Variants in RGS3 observed in about 807,000 individuals in gnomAD.
RGS3 encodes the protein regulator of G protein signaling 3.
Under a neutral mutation model 132.6 loss-of-function variants are expected in RGS3, and 80 were observed. The ratio of observed to expected loss-of-function variants is 0.60; its 90% CI spans 0.50 to 0.73. The LOEUF is 0.73. RGS3 is among the 30% of genes least tolerant of loss of function. The pLI, the probability that RGS3 is intolerant of heterozygous loss-of-function variation, is 0.00. For missense variants in RGS3, 1,382 were observed against 1,530.8 expected (o/e 0.90, Z 1.62); for synonymous variants, 598 against 620.6 (o/e 0.96, Z 0.54).
upstream of RGS3, among the ~76,000 whole-genome samples, chr9:113,455,851 G>A (rs1829352337): frequency 6.6e-6 from 1 of 152,140 alleles, no homozygotes; most frequent in African/African-American, 2.4e-5. Flanking sequence ...CATTCCAGCT[G>A]GTTAAATTTA....
chr9:113,491,088 A>G (rs996340979), intron 7 of RGS3, among the ~76,000 whole-genome samples: 2 of 141,392 alleles, frequency 1.4e-5, no homozygotes, highest in South Asian at 2.1e-4. Context: ...ATAATTATAC[A>G]TAACTTAATT....
At chr9:113,516,345 A>G (rs1831660651) in intron 15 of RGS3, among the ~76,000 whole-genome samples, 1 of 150,758 alleles carries the variant, frequency 6.6e-6, no homozygotes, top group South Asian at 2.1e-4. Flanking sequence ...TACAATGTCT[A>G]ATTTTCTTTC....
At chr9:113,587,480 C>G (rs1268930332) in intron 20 of RGS3, among the ~76,000 whole-genome samples, 1 of 152,220 alleles carries the variant, frequency 6.6e-6, no homozygotes, top group African/African-American at 2.4e-5. Flanking sequence ...GCTTCTTTCT[C>G]TGAGCTTCGG....
chr9:113,491,404 C>T (rs943156346), intron 7 of RGS3, among the ~76,000 whole-genome samples: 1 of 151,776 alleles, frequency 6.6e-6, no homozygotes, highest in Non-Finnish European at 1.5e-5. Flanking sequence ...GCGCATGCCA[C>T]CATGCCCAGC....
intron 18 of RGS3, among the ~76,000 whole-genome samples, chr9:113,535,049 C>T (rs1432987051): frequency 6.6e-6 from 1 of 152,090 alleles, no homozygotes; most frequent in Admixed American, 6.5e-5. Flanking sequence ...TGTCTTTGCC[C>T]CTAACCTGAG....
At chr9:113,455,081 T>G (rs1829337651) in intron 1 of RGS3, among the ~76,000 whole-genome samples, 1 of 152,166 alleles carries the variant, frequency 6.6e-6, no homozygotes, top group South Asian at 2.1e-4. Context: ...GATTTGGAGT[T>G]GGCCTGAGTT....
chr9:113,552,996 C>A (rs370788854), intron 19 of RGS3, among the ~76,000 whole-genome samples: 4 of 152,206 alleles, frequency 2.6e-5, no homozygotes, highest in African/African-American at 9.6e-5. Context: ...TAAAATAAAA[C>A]CCCCATTCCC....
At position 113,537,671 on chromosome 9, in the gene RGS3, T is replaced by C. The variant is rs1369921240; in HGVS notation, c.2037+753T>C. 6.6e-6 allele frequency among the ~76,000 whole-genome samples: 1 copy of C among 152,194 alleles called. No homozygotes were observed. The highest frequency in any genetic ancestry group is 2.4e-5 in the African/African-American group (1 of 41,436). ...TGGTTGGCTGCAAAAGTTGCTGAGG[T>C]GGTTGCTCTGCTGGATCTGGGCGAA... On this transcript the variant is annotated intron_variant, in intron 19 of 24. Transcript: ENST00000350696. The surrounding 1 kb of genome is among the most constrained non-coding windows in gnomAD (Gnocchi z 4.3).
Position 113,508,544 on chromosome 9 carries a change from C to T in RGS3, c.1441C>T (p.Leu481Phe), listed in dbSNP as rs1241272976. The T allele has an allele frequency of 2.5e-6, 4 of 1,612,800 alleles. No individual in the cohort carries two copies. In the East Asian group the frequency reaches 6.7e-5, roughly 27 times the overall value. Reference sequence around the variant, plus strand: ...TTTTCCTGTCTTTCCCTTGCAGCTGCTCCGGCCTGTGTACCAGGAGGATAC... The same window carrying T: ...TTTTCCTGTCTTTCCCTTGCAGCTGTTCCGGCCTGTGTACCAGGAGGATAC... The change falls in exon 14 of 25, where the codon CTC becomes TTC. Residue 481 changes from leucine (L) to phenylalanine (F), a missense_variant. Coordinates refer to ENST00000350696, the Ensembl canonical transcript of RGS3.
At chr9:113,448,695 C>T (rs1020040126) in intron 1 of RGS3, among the ~76,000 whole-genome samples, 3 of 152,216 alleles carry the variant, frequency 2.0e-5, no homozygotes, top group African/African-American at 7.2e-5. Flanking sequence ...CGGCACCTCA[C>T]TGAGTGCCTG....
chr9:113,471,449 G>A (rs192706571), intron 3 of RGS3, among the ~76,000 whole-genome samples: 10 of 152,164 alleles, frequency 6.6e-5, no homozygotes, highest in Admixed American at 4.6e-4. Context: ...TCTCTCTCTT[G>A]TTGTTTATCT....
exon 16 of RGS3, chr9:113,517,565 C>T (rs770237002): frequency 1.4e-5 from 22 of 1,613,354 alleles, no homozygotes; most frequent in East Asian, 4.5e-5. Flanking sequence ...TAATCCTGCC[C>T]GGACCCTCCT....
chr9:113,586,138 G>A (rs1835107614), intron 20 of RGS3, among the ~76,000 whole-genome samples: 1 of 152,168 alleles, frequency 6.6e-6, no homozygotes, highest in Non-Finnish European at 1.5e-5. Flanking sequence ...ACCATCTTAG[G>A]CCATTTCTTG....
chr9:113,565,713 C>G lies in RGS3; in HGVS notation c.2038-17737C>G. 1 of 266,018 alleles carries G rather than the reference C, an allele frequency of 3.8e-6. No individual in the cohort carries two copies. Among genetic ancestry groups the G allele is most frequent in the South Asian group, 3.6e-5 (1 of 27,606 alleles). The allele number at this position is 266,018 out of a possible 1,614,324, so 16.5% of individuals were successfully genotyped here. ...GCGGCAGCCAGGAGTCGCCTGGGTC[C>G]CTGCTGGAGTATGCTGGGTAGGTAC... On this transcript the variant is annotated intron_variant, in intron 19 of 24. Transcript: ENST00000350696. This position sits in a 1 kb window ranked among gnomAD's most constrained non-coding sequence, Gnocchi z 5.7.
At chr9:113,590,815 G>A (rs1279745616) in intron 20 of RGS3, among the ~76,000 whole-genome samples, 4 of 152,162 alleles carry the variant, frequency 2.6e-5, no homozygotes, top group Non-Finnish European at 5.9e-5. Context: ...TATCCCGAGG[G>A]CACTAGGGAG....
chr9:113,452,952 A>T (rs1402816908), intron 1 of RGS3, among the ~76,000 whole-genome samples: 4 of 136,608 alleles, frequency 2.9e-5, no homozygotes, highest in Non-Finnish European at 4.6e-5. Context: ...ATATTTATAT[A>T]TGATATATAA....
intron 17 of RGS3, among the ~76,000 whole-genome samples, chr9:113,526,391 G>A (rs920535751): frequency 6.6e-6 from 1 of 152,170 alleles, no homozygotes; most frequent in African/African-American, 2.4e-5. Context: ...CCACCTCTGG[G>A]GCTCATAGCC....
At chr9:113,584,584 CCCAATGGGA>C (rs1835028838) in intron 20 of RGS3, among the ~76,000 whole-genome samples, 157 bp downstream of exon 18, 1 of 152,216 alleles carries the variant, frequency 6.6e-6, no homozygotes, top group South Asian at 2.1e-4. Flanking sequence ...AAAACTGAGG[CCCAATGGGA>C]CCAAGAAGGC....
At chr9:113,518,527 C>A (rs1358939496) in intron 16 of RGS3, among the ~76,000 whole-genome samples, 1 of 152,224 alleles carries the variant, frequency 6.6e-6, no homozygotes. Context: ...CGCTTTAAAC[C>A]TCAGCCTTCT....
Sources: gnomAD v4.1 joint callset for allele counts (sites outside exome capture counted in the v4.1 genomes callset) on GRCh38, gnomAD v4.1.1 for gene constraint, Gnocchi (gnomAD v3.1) non-coding constraint, MANE v1.5 for transcripts, NCBI Gene and HGNC (gene_info 2026-07-23, HGNC 2026-07-21) for gene names.